Variants in ACADM observed in about 807,000 individuals in gnomAD.
The protein encoded by ACADM is acyl-CoA dehydrogenase medium chain, also known as medium-chain specific acyl-CoA dehydrogenase, mitochondrial.
ACADM carries 49 observed loss-of-function variants against 58.9 expected under a neutral mutation model. That is an observed-to-expected ratio of 0.83 (90% CI 0.66 to 1.06). The LOEUF (loss-of-function observed/expected upper bound fraction) is 1.06, where lower values mean the gene tolerates loss of function less well. Among genes scored for constraint, ACADM ranks in the 50% least tolerant of loss-of-function variants. The probability of loss-of-function intolerance (pLI) is 0.00; values close to 1 mark genes in which losing one functional copy is unlikely to be tolerated. For missense variants in ACADM, 496 were observed against 507.0 expected, an observed-to-expected ratio of 0.98 and a Z score of 0.21; for synonymous variants, 160 against 157.7, an observed-to-expected ratio of 1.01 and a Z score of -0.11.
At chr1:75,761,094 C>G in intron 10 of ACADM, 28 bp from the exon 11 acceptor site, 3 of 1,601,112 alleles carry the variant, frequency 1.9e-6, no homozygotes, top group Non-Finnish European at 2.6e-6. Flanking sequence ...CAATAAATAT[C>G]CTTTAATTTT....
intron 5 of ACADM, among the ~76,000 whole-genome samples, chr1:75,734,016 C>G (rs1647194699): frequency 1.3e-5 from 2 of 152,110 alleles, no homozygotes; most frequent in South Asian, 4.1e-4. Context: ...TTTTTTTTCT[C>G]ACTCTGTCGC....
chr1:75,728,419 C>A lies in ACADM; in HGVS notation c.49C>A (p.Arg17Ser). The A allele has an allele frequency of 6.2e-7, 1 of 1,612,964 alleles. No homozygotes were observed. Among genetic ancestry groups the A allele is most frequent in the South Asian group, 1.1e-5 (1 of 90,932 alleles). ...TTTACAGGTCCTGAGAAGTATTTCTCGTTTTCATTGGAGATCACAGCATAC... is the reference window on the plus strand; with the variant it reads ...TTTACAGGTCCTGAGAAGTATTTCTAGTTTTCATTGGAGATCACAGCATAC... ...RCCRVLRSISRFHWRSQHTKA... is the reference protein window; with the variant it reads ...RCCRVLRSISSFHWRSQHTKA... Residue 17 changes from arginine to serine, a missense_variant, in exon 2 of 12, where the codon CGT becomes AGT. By Grantham distance (110) the Arg-to-Ser change is moderately radical. Transcript: ENST00000370841.
rs1647480625 is a variant in ACADM, at chr1:75,740,055, G to A, written c.544G>A (p.Glu182Lys). The A allele has an allele frequency of 6.2e-7, 1 of 1,612,574 alleles. No individual in the cohort carries two copies. Among genetic ancestry groups the A allele is most frequent in the Non-Finnish European group, 8.5e-7 (1 of 1,178,890 alleles). Reference protein sequence around the residue: ...IKTKAEKKGDEYIINGQKMWI... With the variant: ...IKTKAEKKGDKYIINGQKMWI... ...GACCAAAGCAGAAAAGAAAGGAGAT[G>A]AGTATATTATTAATGGTCAGAAGAT... Residue 182 changes from glutamate (E) to lysine (K), a missense_variant, in exon 7 of 12, where the codon GAG becomes AAG. Glu to Lys is a moderately conservative substitution (Grantham distance 56). Transcript: ENST00000370841.
intron 7 of ACADM, among the ~76,000 whole-genome samples, chr1:75,745,081 GT>G (rs996551770): frequency 8.5e-5 from 13 of 152,072 alleles, no homozygotes; most frequent in Admixed American, 6.6e-4. Flanking sequence ...TATATACTAT[GT>G]TTTTTTCCTA....
At chr1:75,750,388 G>C in intron 9 of ACADM, 63 bp from the exon 10 acceptor site, 1 of 1,329,204 alleles carries the variant, frequency 7.5e-7, no homozygotes, top group Non-Finnish European at 1.1e-6. Flanking sequence ...TAGACACTTA[G>C]GCAGATATTG....
intron 2 of ACADM, among the ~76,000 whole-genome samples, chr1:75,729,627 G>A (rs1647116051): frequency 6.6e-6 from 1 of 151,560 alleles, no homozygotes; most frequent in African/African-American, 2.4e-5. Flanking sequence ...CTGAGTAGCT[G>A]GGACTACAGG....
chr1:75,732,657 G>A lies in ACADM; in HGVS notation c.132G>A (p.Gln44=), dbSNP rs1647165709. ...ATTTTCCCTTAGAGTTCACCGAACA[G>A]CAGAAAGAATTTCAAGCTACTGCTC... The part of the protein sequence containing the change: ...GLGFSFEFTE[Q]QKEFQATARK... Residue 44 remains glutamine, a synonymous_variant, in exon 3 of 12, where the codon CAG becomes CAA. Transcript: ENST00000370841. 16 of 1,613,798 alleles carry A rather than the reference G, an allele frequency of 9.9e-6. No individual in the cohort carries two copies. Among genetic ancestry groups the A allele is most frequent in the Non-Finnish European group, 1.3e-5 (15 of 1,179,752 alleles).
chr1:75,748,856 T>C (rs1648042988), intron 8 of ACADM, among the ~76,000 whole-genome samples: 1 of 151,884 alleles, frequency 6.6e-6, no homozygotes, highest in Admixed American at 6.6e-5. Flanking sequence ...AATGGTGACT[T>C]TTCTACATGT....
chr1:75,735,270 C>T (rs910500090), intron 6 of ACADM, among the ~76,000 whole-genome samples: 1 of 145,186 alleles, frequency 6.9e-6, no homozygotes, highest in African/African-American at 2.6e-5. Flanking sequence ...GAGCAGAGAT[C>T]ACACCACTGC....
At chr1:75,738,739 C>T (rs888537914) in intron 6 of ACADM, among the ~76,000 whole-genome samples, 7 of 152,106 alleles carry the variant, frequency 4.6e-5, no homozygotes, top group Admixed American at 1.3e-4. Flanking sequence ...GGCCACCATG[C>T]TCGGCCCAGT....
chr1:75,762,020 G>C (rs1357468771), intron 11 of ACADM, among the ~76,000 whole-genome samples: 1 of 152,212 alleles, frequency 6.6e-6, no homozygotes, highest in Non-Finnish European at 1.5e-5. Context: ...AATGTTACAC[G>C]TAGTGCAGCC....
At chr1:75,753,783 T>A (rs1648333901) in intron 10 of ACADM, among the ~76,000 whole-genome samples, 1 of 144,636 alleles carries the variant, frequency 6.9e-6, no homozygotes, top group East Asian at 2.0e-4. Context: ...CTCTGCAAAA[T>A]GCTGATAGCT....
chr1:75,740,418 A>T (rs916925977), intron 7 of ACADM, among the ~76,000 whole-genome samples: 1 of 152,204 alleles, frequency 6.6e-6, no homozygotes. Flanking sequence ...CATCTCCTAT[A>T]CCAGCCGCTC....
At chr1:75,748,388 C>T (rs1457567774) in intron 8 of ACADM, among the ~76,000 whole-genome samples, 1 of 152,054 alleles carries the variant, frequency 6.6e-6, no homozygotes, top group Non-Finnish European at 1.5e-5. Flanking sequence ...AACCAGTGCC[C>T]TTAAATAAAT....
At chr1:75,736,095 G>C (rs1183726215) in intron 6 of ACADM, among the ~76,000 whole-genome samples, 1 of 151,938 alleles carries the variant, frequency 6.6e-6, no homozygotes, top group Non-Finnish European at 1.5e-5. Flanking sequence ...TAGTTGTAGA[G>C]TTTATTTAAA....
chr1:75,745,939 G>A, intron 8 of ACADM, 25 bp downstream of exon 8: 2 of 1,483,962 alleles, frequency 1.3e-6, no homozygotes, highest in Non-Finnish European at 1.9e-6. Flanking sequence ...AATGATTAGG[G>A]CCCCAAATAT....
rs1647699470 is a variant in ACADM, at chr1:75,743,480, TCA to T, written c.600-2323_600-2322del. On this transcript the variant is annotated intron_variant, in intron 7 of 11. Transcript: ENST00000370841. ...GCTGCCTTGATTTTGCGGAGGAAAGTCACAGCCTCTCTGCCATCAATCAGCCG... is the reference window on the plus strand; with the variant it reads ...GCTGCCTTGATTTTGCGGAGGAAAGTCAGCCTCTCTGCCATCAATCAGCCG... The T allele has an allele frequency of 2.0e-5, 32 of 1,611,074 alleles. No individual in the cohort carries two copies. In the Middle Eastern group the frequency reaches 1.3e-3, roughly 68 times the overall value.
intron 11 of ACADM, among the ~76,000 whole-genome samples, chr1:75,762,351 G>C (rs574500014): frequency 1.3e-5 from 2 of 151,936 alleles, no homozygotes; most frequent in East Asian, 3.9e-4. Flanking sequence ...AGCTAGCTAA[G>C]AACAGTTCAG....
At chr1:75,758,927 T>C (rs773897906) in intron 10 of ACADM, among the ~76,000 whole-genome samples, 1 of 152,228 alleles carries the variant, frequency 6.6e-6, no homozygotes, top group African/African-American at 2.4e-5. Context: ...TTCCACGCTG[T>C]GGAAGCTTTG....
Sources: allele counts gnomAD v4.1 joint callset (sites outside exome capture counted in the v4.1 genomes callset), GRCh38; gene constraint gnomAD v4.1.1; transcripts MANE v1.5; gene names NCBI Gene and HGNC (gene_info 2026-07-23, HGNC 2026-07-21).